Variants in REPS1 observed in about 807,000 individuals in gnomAD.
REPS1 encodes the protein RALBP1 associated Eps domain containing 1, also known as ralBP1-associated Eps domain-containing protein 1.
Under a neutral mutation model 100.9 loss-of-function variants are expected in REPS1, and 39 were observed. That is an observed-to-expected ratio of 0.39 (90% CI 0.30 to 0.50). The LOEUF (loss-of-function observed/expected upper bound fraction) is 0.50. Among genes scored for constraint, REPS1 ranks in the 20% least tolerant of loss-of-function variants. The probability of loss-of-function intolerance (pLI) is 0.86; values close to 1 mark genes in which losing one functional copy is unlikely to be tolerated. For missense variants in REPS1, 821 were observed against 968.5 expected (o/e 0.85, Z 2.02); for synonymous variants, 324 against 340.3 (o/e 0.95, Z 0.53).
At chr6:138,949,283 C>T (rs1782842148) in intron 1 of REPS1, among the ~76,000 whole-genome samples, 1 of 152,116 alleles carries the variant, frequency 6.6e-6, no homozygotes, top group South Asian at 2.1e-4. Context: ...AGGTAGTGTT[C>T]AAGAAGGGAA....
Position 138,987,795 on chromosome 6 carries a change from A to C in REPS1, c.-113T>G. 1.6e-6 allele frequency: 2 copies of C among 1,255,422 alleles called. No homozygotes were observed. Among genetic ancestry groups the C allele is most frequent in the Non-Finnish European group, 1.0e-6 (1 of 967,924 alleles). The allele number at this position is 1,255,422 out of a possible 1,614,324, so 77.8% of individuals were successfully genotyped here. Reference sequence around the variant, plus strand: ...GCCCGGCCTCCTGCTAGCTTCCCGAAAACGCCGGCCCCGGCCTCACACGCG... The same window carrying C: ...GCCCGGCCTCCTGCTAGCTTCCCGACAACGCCGGCCCCGGCCTCACACGCG... On this transcript the variant is annotated 5_prime_UTR_variant, in exon 1 of 20. Coordinates refer to ENST00000450536, the MANE Select transcript of REPS1 (RefSeq NM_001286611.2).
intron 4 of REPS1, 43 bp downstream of exon 4, chr6:138,945,176 C>A (rs958258648): frequency 3.9e-6 from 6 of 1,527,550 alleles, no homozygotes; most frequent in Non-Finnish European, 5.3e-6. Flanking sequence ...CAAGACCAGC[C>A]TGGGCAACAC....
At position 138,947,870 on chromosome 6, in the gene REPS1, C is replaced by CTTCCAAAATAACTTGGTTA; in HGVS notation, c.196_197insTAACCAAGTTATTTTGGAA (p.Arg66IlefsTer48). 6.2e-7 allele frequency: 1 copy of CTTCCAAAATAACTTGGTTA among 1,609,722 alleles called. No individual in the cohort carries two copies. The highest frequency in any genetic ancestry group is 8.5e-7 in the Non-Finnish European group (1 of 1,178,238). ...TTTCAAAGCAATGTAGAACTGACTT[C>CTTCCAAAATAACTTGGTTA]TTCCAAAATAACCAAGTCTTGTTGC... On this transcript the variant is annotated frameshift_variant, in exon 2 of 20. Coordinates refer to ENST00000450536, the MANE Select transcript of REPS1 (RefSeq NM_001286611.2). LOFTEE classifies it high-confidence loss of function.
chr6:138,908,765 A>G lies in REPS1; in HGVS notation c.2119T>C (p.Leu707=), dbSNP rs760526052. Reference sequence around the variant, plus strand: ...GGCCTTAATTCATCTTCTGATTTTAATCTTCTTCGAACAGGTTTAGGTGGT... The same window carrying G: ...GGCCTTAATTCATCTTCTGATTTTAGTCTTCTTCGAACAGGTTTAGGTGGT... ...APPPKPVRRR[L]KSEDELRPEV... Residue 707 remains leucine (L), a synonymous_variant, in exon 18 of 20, where the codon TTA becomes CTA. Coordinates refer to ENST00000450536, the MANE Select transcript of REPS1 (RefSeq NM_001286611.2). 4 of 1,614,184 alleles carry G rather than the reference A, an allele frequency of 2.5e-6. No homozygotes were observed. The South Asian group carries it at 4.4e-5, about 18-fold the overall frequency.
chr6:138,961,472 G>A (rs1408305734), intron 1 of REPS1, among the ~76,000 whole-genome samples: 1 of 152,068 alleles, frequency 6.6e-6, no homozygotes, highest in Non-Finnish European at 1.5e-5. Flanking sequence ...TGATCCACCT[G>A]CCTCGGCCTC....
intron 19 of REPS1, 103 bp downstream of exon 19, chr6:138,907,392 A>G (rs1269927365): frequency 5.5e-6 from 4 of 728,948 alleles, no homozygotes; most frequent in African/African-American, 1.8e-5. Flanking sequence ...ATTAGAGAAG[A>G]GAACCATATA....
chr6:138,947,681 G>A (rs563538008), intron 2 of REPS1, 109 bp downstream of exon 2: 8 of 985,932 alleles, frequency 8.1e-6, no homozygotes, highest in South Asian at 6.4e-5. Flanking sequence ...CTTCACTCAA[G>A]GTCACAAATG....
chr6:138,963,429 G>T (rs545665998), intron 1 of REPS1, among the ~76,000 whole-genome samples: 32 of 152,246 alleles, frequency 2.1e-4, no homozygotes, highest in African/African-American at 7.7e-4. Flanking sequence ...TTTGCACATG[G>T]TAGGCACTTA....
At chr6:138,912,585 G>C (rs1162496706) in intron 16 of REPS1, 180 bp downstream of exon 16, 5 of 630,206 alleles carry the variant, frequency 7.9e-6, no homozygotes, top group Non-Finnish European at 1.4e-5. Context: ...ACCAGACTCT[G>C]ATACTTAGTA....
chr6:138,933,491 G>C (rs778060483), intron 8 of REPS1, among the ~76,000 whole-genome samples: 4 of 152,048 alleles, frequency 2.6e-5, no homozygotes, highest in Non-Finnish European at 5.9e-5. Flanking sequence ...AATATTCTCA[G>C]CTTGTGGGCT....
At chr6:138,950,307 A>G (rs895418161) in intron 1 of REPS1, among the ~76,000 whole-genome samples, 8 of 152,090 alleles carry the variant, frequency 5.3e-5, no homozygotes, top group Non-Finnish European at 8.8e-5. Context: ...GATCTCATCT[A>G]TACGAAAAAA....
chr6:138,984,187 G>A (rs1424189022), intron 1 of REPS1, among the ~76,000 whole-genome samples: 1 of 150,668 alleles, frequency 6.6e-6, no homozygotes, highest in Non-Finnish European at 1.5e-5. Context: ...GGTTCTAAGT[G>A]ATTCTCCTGC....
rs978143538 is a variant in REPS1 at position 138,903,691 on chromosome 6, A to T, written c.*1373T>A. 2.6e-5 allele frequency: 4 copies of T among 152,236 alleles called. No homozygotes were observed. Among genetic ancestry groups the T allele is most frequent in the Admixed American group, 2.6e-4 (4 of 15,286 alleles). 9.4% of individuals were successfully genotyped at this position (152,236 alleles called of 1,614,324 possible). A position where few individuals can be genotyped will look rare whatever the true frequency, so the allele number is the denominator to read the frequency against. The stretch of plus-strand genomic sequence containing the variant: ...TTTCTTTGAAAACAAAGACACTCAG[A>T]AAAACAGGTGTTGAGTAGTTTCCTG... On this transcript the variant is annotated 3_prime_UTR_variant, in exon 20 of 20. Coordinates refer to ENST00000450536, the MANE Select transcript of REPS1 (RefSeq NM_001286611.2).
rs1260580918 is a variant in REPS1, at chr6:138,947,900, C to G, written c.167G>C (p.Cys56Ser). The change falls in exon 2 of 20, where the codon TGT (cysteine) becomes TCT (serine). Residue 56 changes from cysteine to serine, a missense_variant. Physicochemically the swap from Cys to Ser is moderately radical, Grantham distance 112 (BLOSUM62 -1). Coordinates refer to ENST00000450536, the MANE Select transcript of REPS1 (RefSeq NM_001286611.2). ...AAAATAACCAAGTCTTGTTGCACCA[C>G]AAAGCTCCATGATCTATAAAATAAC... ...NDVVLQIMEL[C>S]GATRLGYFGR... 1 of 1,602,806 alleles carries G rather than the reference C, an allele frequency of 6.2e-7. No homozygotes were observed. Among genetic ancestry groups the G allele is most frequent in the Non-Finnish European group, 8.5e-7 (1 of 1,176,608 alleles).
chr6:138,950,895 A>G (rs1348359044), intron 1 of REPS1: 1 of 152,202 alleles, frequency 6.6e-6, no homozygotes, highest in Non-Finnish European at 1.5e-5. Flanking sequence ...ATCTCTGATT[A>G]AAGAAACTCT....
intron 5 of REPS1, 79 bp downstream of exon 5, chr6:138,944,419 C>A: frequency 6.7e-7 from 1 of 1,483,156 alleles, no homozygotes; most frequent in African/African-American, 1.4e-5. Context: ...AAATCTGCAA[C>A]AGCAAAATAT....
chr6:138,964,702 T>C (rs1282633321), intron 1 of REPS1, among the ~76,000 whole-genome samples: 1 of 152,014 alleles, frequency 6.6e-6, no homozygotes, highest in Non-Finnish European at 1.5e-5. Flanking sequence ...AGTATTAGTA[T>C]ATAAATATAA....
At chr6:138,979,678 CATGATAATACT>C (rs890651608) in intron 1 of REPS1, among the ~76,000 whole-genome samples, 10 of 152,186 alleles carry the variant, frequency 6.6e-5, no homozygotes, top group Admixed American at 6.5e-4. Flanking sequence ...GCATCCACGA[CATGATAATACT>C]ATATATTACA....
At chr6:138,943,060 T>A (rs1782372125) in intron 7 of REPS1, among the ~76,000 whole-genome samples, 1 of 152,262 alleles carries the variant, frequency 6.6e-6, no homozygotes, top group Non-Finnish European at 1.5e-5. Flanking sequence ...GGCCTATTTT[T>A]ATAAAGTAAT....
Sources: gnomAD v4.1 joint callset for allele counts (sites outside exome capture counted in the v4.1 genomes callset) on GRCh38, gnomAD v4.1.1 for gene constraint, MANE v1.5 for transcripts, NCBI Gene and HGNC (gene_info 2026-07-23, HGNC 2026-07-21) for gene names.